The following QSOX2 variants were observed in gnomAD, a reference collection of about 807,000 sequenced individuals.
The protein encoded by QSOX2 is sulfhydryl oxidase 2.
QSOX2 carries 46 observed loss-of-function variants against 61.7 expected under a neutral mutation model. The observed-to-expected ratio is 0.75, with a 90% CI of 0.59 to 0.95. The LOEUF is 0.95. Among genes scored for constraint, QSOX2 ranks in the 40% least tolerant of loss-of-function variants. The probability of loss-of-function intolerance (pLI) is 0.00; values close to 1 mark genes in which losing one functional copy is unlikely to be tolerated. For missense variants in QSOX2, 879 were observed against 918.9 expected (o/e 0.96, Z 0.56); for synonymous variants, 383 against 388.4 (o/e 0.99, Z 0.16).
At position 136,207,513 on chromosome 9, in the gene QSOX2, G is replaced by A. The variant is rs1831782822; in HGVS notation, c.*1215C>T. 1 of 152,286 alleles carries A rather than the reference G, an allele frequency of 6.6e-6. No individual in the cohort carries two copies. The highest frequency in any genetic ancestry group is 1.5e-5 in the Non-Finnish European group (1 of 68,024). 9.4% of individuals were successfully genotyped at this position (152,286 alleles called of 1,614,324 possible). A position where few individuals can be genotyped will look rare whatever the true frequency, so the allele number is the denominator to read the frequency against. ...AAATGTTCCCAGAAATAGTGTATTTGTTTGTTTACATCTTCAGAGGCAACG... is the reference window on the plus strand; with the variant it reads ...AAATGTTCCCAGAAATAGTGTATTTATTTGTTTACATCTTCAGAGGCAACG... On this transcript the variant is annotated 3_prime_UTR_variant, in exon 12 of 12. Coordinates refer to ENST00000358701, the MANE Select transcript of QSOX2 (RefSeq NM_181701.4).
chr9:136,235,847 C>A (rs956768449), intron 1 of QSOX2, among the ~76,000 whole-genome samples: 2 of 152,214 alleles, frequency 1.3e-5, no homozygotes, highest in African/African-American at 2.4e-5. Flanking sequence ...CACAGAAAGG[C>A]ATGGGTCTCC....
At position 136,229,227 on chromosome 9, in the gene QSOX2, C is replaced by T. The variant is rs372084021; in HGVS notation, c.329-2353G>A. On this transcript the variant is annotated intron_variant, in intron 1 of 11. Transcript: ENST00000358701. The stretch of plus-strand genomic sequence containing the variant: ...AAGCGACACGAGCTCTCTGCATCCC[C>T]GGCCACTCCTTGCCCAAGCCTCAGA... Among the ~76,000 whole-genome samples, 143 of 152,358 alleles carry T rather than the reference C, an allele frequency of 9.4e-4. 2 individuals carry two copies. In the East Asian group the frequency reaches 0.014, roughly 15 times the overall value.
chr9:136,238,916 G>A (rs1485253079), intron 1 of QSOX2, among the ~76,000 whole-genome samples: 2 of 152,190 alleles, frequency 1.3e-5, no homozygotes, highest in Non-Finnish European at 2.9e-5. Context: ...TACTTAGGAC[G>A]CTGAGGCAGG....
In QSOX2 at chr9:136,222,473, C is replaced by T. The variant is rs933079517; in HGVS notation, c.676-532G>A. ...TTTGGAAGAAACCCTGCGTGCGCCA[C>T]CACCACATCGGGCGTACGTCTTTCC... On this transcript the variant is annotated intron_variant, in intron 5 of 11. Transcript: ENST00000358701. This position sits in a 1 kb window ranked among gnomAD's most constrained non-coding sequence, Gnocchi z 6.9. Among the ~76,000 whole-genome samples the T allele has an allele frequency of 2.6e-5, 4 of 152,182 alleles. No individual in the cohort carries two copies. Among genetic ancestry groups the T allele is most frequent in the Non-Finnish European group, 5.9e-5 (4 of 68,048 alleles).
chr9:136,228,970 A>G (rs1278414651), intron 1 of QSOX2, among the ~76,000 whole-genome samples: 7 of 152,226 alleles, frequency 4.6e-5, no homozygotes. Context: ...GACGGAACAT[A>G]TCACCAGACT....
chr9:136,215,504 G>A (rs953690432), intron 9 of QSOX2, among the ~76,000 whole-genome samples, 200 bp from the exon 10 acceptor site: 1 of 151,806 alleles, frequency 6.6e-6, no homozygotes, highest in African/African-American at 2.4e-5. Flanking sequence ...AGAGGAAATG[G>A]TCTCCTTTAC....
At chr9:136,218,603 T>C in intron 8 of QSOX2, 76 bp downstream of exon 8, 2 of 1,517,608 alleles carry the variant, frequency 1.3e-6, no homozygotes, top group Non-Finnish European at 1.8e-6. Context: ...GCCCCCGCAG[T>C]GTCCGACGCC....
chr9:136,212,681 G>C (rs1239405449), intron 10 of QSOX2, among the ~76,000 whole-genome samples: 1 of 152,174 alleles, frequency 6.6e-6, no homozygotes, highest in African/African-American at 2.4e-5. Flanking sequence ...CATCTGCCTT[G>C]CATCTCCACG....
intron 1 of QSOX2, among the ~76,000 whole-genome samples, chr9:136,242,193 TAAGAAA>T (rs1830438457): frequency 6.6e-6 from 1 of 152,244 alleles, no homozygotes; most frequent in Non-Finnish European, 1.5e-5. Context: ...CACCTTCTTA[TAAGAAA>T]AAACATTTAT....
chr9:136,227,118 T>C (rs1169871987), intron 1 of QSOX2, among the ~76,000 whole-genome samples: 1 of 152,224 alleles, frequency 6.6e-6, no homozygotes, highest in Non-Finnish European at 1.5e-5. Context: ...GTGCTGAACC[T>C]GCACATCACG....
rs561949726 is a variant in QSOX2, at chr9:136,214,412, A to T, written c.1360+742T>A. ...CTGACTAGTAAGCAGAATCTGACAG[A>T]GGTGATGGAATATCATCCTCGGATA... On this transcript the variant is annotated intron_variant, in intron 10 of 11. Coordinates refer to ENST00000358701, the MANE Select transcript of QSOX2 (RefSeq NM_181701.4). Among the ~76,000 whole-genome samples, 3 of 152,312 alleles carry T rather than the reference A, an allele frequency of 2.0e-5. No individual in the cohort carries two copies. In the South Asian group the frequency reaches 6.2e-4, roughly 32 times the overall value.
At chr9:136,228,331 G>A (rs1010637668) in intron 1 of QSOX2, among the ~76,000 whole-genome samples, 1 of 152,194 alleles carries the variant, frequency 6.6e-6, no homozygotes, top group Non-Finnish European at 1.5e-5. Context: ...GCAACCCAGC[G>A]GAATGACTCA....
At chr9:136,239,860 G>A (rs949248057) in intron 1 of QSOX2, among the ~76,000 whole-genome samples, 2 of 152,254 alleles carry the variant, frequency 1.3e-5, no homozygotes, top group African/African-American at 4.8e-5. Flanking sequence ...CAGGAGTACC[G>A]GCAAGGACTC....
intron 6 of QSOX2, among the ~76,000 whole-genome samples, chr9:136,220,593 G>T (rs1831968727): frequency 6.6e-6 from 1 of 152,256 alleles, no homozygotes; most frequent in Non-Finnish European, 1.5e-5. Context: ...GCCACCCAGT[G>T]TAGGGCAGGC....
chr9:136,210,930 G>A (rs752875804), intron 11 of QSOX2: 13 of 983,368 alleles, frequency 1.3e-5, no homozygotes, highest in Non-Finnish European at 1.2e-5. Context: ...AATTAATTAC[G>A]TTCCAAGCTT....
At position 136,208,678 on chromosome 9, in the gene QSOX2, C is replaced by T. The variant is rs564809992; in HGVS notation, c.*50G>A. ...TATTAAAGCTGCAGGTGGCACGGGG[C>T]AGGGCTGCCTCCAAGGGAGCTTCCG... On this transcript the variant is annotated 3_prime_UTR_variant, in exon 12 of 12. Coordinates refer to ENST00000358701, the MANE Select transcript of QSOX2 (RefSeq NM_181701.4). 16 of 1,554,916 alleles carry T rather than the reference C, an allele frequency of 1.0e-5. No individual in the cohort carries two copies. Among genetic ancestry groups the T allele is most frequent in the Middle Eastern group, 1.8e-4 (1 of 5,518 alleles).
chr9:136,240,992 G>A lies in QSOX2; in HGVS notation c.328+4484C>T, dbSNP rs907666731. On this transcript the variant is annotated intron_variant, in intron 1 of 11. Transcript: ENST00000358701. ...ACGACCGGCATGACACAGCGGAGAC[G>A]GCTCCCTGGACGTGGCTGTAAGGCC... Among the ~76,000 whole-genome samples, 7 of 152,084 alleles carry A rather than the reference G, an allele frequency of 4.6e-5. No homozygotes were observed. In the South Asian group the frequency reaches 6.2e-4, roughly 14 times the overall value.
In QSOX2 at chr9:136,219,064, T is replaced by C; in HGVS notation, c.922A>G (p.Asn308Asp). The change falls in exon 7 of 12, where the codon AAT (asparagine) becomes GAT (aspartate). Residue 308 changes from asparagine (N) to aspartate (D), a missense_variant. Transcript: ENST00000358701. ...TCTCTCCAAACCACGATTTCTGAAT[T>C]TTCTTCTTTGTGTGGCTTTTCAGGC... The part of the protein sequence containing the change: ...PLPEKPHKEE[N>D]SEIVVWREFD... 6.2e-7 allele frequency: 1 copy of C among 1,614,120 alleles called. No individual in the cohort carries two copies. The highest frequency in any genetic ancestry group is 8.5e-7 in the Non-Finnish European group (1 of 1,180,016).
rs955350928 is a variant in QSOX2, at chr9:136,209,420, C to G, written c.1550-145G>C. On this transcript the variant is annotated intron_variant, in intron 11 of 11. Transcript: ENST00000358701. This position sits in a 1 kb window ranked among gnomAD's most constrained non-coding sequence, Gnocchi z 5.6. ...GTCCTGCCAGGCCTCCCTCCCTGCC[C>G]TTCCCACCACCCGTCCCTTGCAGTT... 5.4e-6 allele frequency: 8 copies of G among 1,489,078 alleles called. No individual in the cohort carries two copies. The African/African-American group carries it at 1.1e-4, about 21-fold the overall frequency. 92.2% of individuals were successfully genotyped at this position (1,489,078 alleles called of 1,614,324 possible).
Sources: allele counts gnomAD v4.1 joint callset (sites outside exome capture counted in the v4.1 genomes callset), GRCh38; gene constraint gnomAD v4.1.1; non-coding constraint Gnocchi (gnomAD v3.1); transcripts MANE v1.5; gene names NCBI Gene and HGNC (gene_info 2026-07-23, HGNC 2026-07-21).